TUBB3: variants seen among roughly 807,000 people sequenced by gnomAD.
TUBB3 encodes tubulin beta 3 class III, also known as tubulin beta-3 chain.
A neutral mutation model predicts 37.8 loss-of-function variants in TUBB3; 17 were observed. The observed-to-expected ratio is 0.45, with a 90% confidence interval of 0.31 to 0.67. The LOEUF is 0.67. Among genes scored for constraint, TUBB3 ranks in the 30% least tolerant of loss-of-function variants. The pLI, the probability that TUBB3 is intolerant of heterozygous loss-of-function variation, is 0.07. For synonymous variants in TUBB3, 332 were observed against 278.9 expected (o/e 1.19, Z -1.90); for missense variants, 262 against 657.9 (o/e 0.40, Z 6.58).
chr16:89,934,373 G>C, intron 3 of TUBB3: 1 of 508,060 alleles, frequency 2.0e-6, no homozygotes, highest in Non-Finnish European at 3.8e-6. Context: ...GCCCCCAGCT[G>C]CCAGGGATTC....
intron 3 of TUBB3, chr16:89,934,439 C>T (rs916118676): frequency 1.7e-6 from 1 of 589,486 alleles, no homozygotes; most frequent in Non-Finnish European, 3.2e-6. Flanking sequence ...TATGCTGGAG[C>T]AGGAGGGCTG....
Position 89,935,758 on chromosome 16 carries a change from T to G in TUBB3, c.1307T>G (p.Met436Arg), listed in dbSNP as rs758528369. Reference sequence around the variant, plus strand: ...GCCACGGCCGAGGAAGAGGGCGAGATGTACGAAGACGACGAGGAGGAGTCG... The same window carrying G: ...GCCACGGCCGAGGAAGAGGGCGAGAGGTACGAAGACGACGAGGAGGAGTCG... ...QDATAEEEGE[M>R]YEDDEEESEA... is the part of the protein sequence containing the mutation. The change falls in exon 4 of 4, where the codon ATG (methionine) becomes AGG (arginine). Residue 436 changes from methionine to arginine, a missense_variant. Met to Arg is a moderately conservative substitution (Grantham distance 91). Coordinates refer to ENST00000315491, the MANE Select transcript of TUBB3 (RefSeq NM_006086.4). The G allele has an allele frequency of 1.2e-6, 2 of 1,613,860 alleles. No homozygotes were observed. The highest frequency in any genetic ancestry group is 1.7e-6 in the Non-Finnish European group (2 of 1,179,944).
chr16:89,925,790 G>A (rs1057291527), intron 1 of TUBB3, among the ~76,000 whole-genome samples: 3 of 152,232 alleles, frequency 2.0e-5, no homozygotes, highest in Admixed American at 6.5e-5. Context: ...CCTGTCTGGG[G>A]TCCTCGGGCG....
At chr16:89,928,973 T>TC (rs1472527350) in intron 1 of TUBB3, among the ~76,000 whole-genome samples, 1 of 151,544 alleles carries the variant, frequency 6.6e-6, no homozygotes, top group Non-Finnish European at 1.5e-5. Flanking sequence ...TTTTTTTTTT[T>TC]TTTTTTAAGA....
intron 1 of TUBB3, among the ~76,000 whole-genome samples, chr16:89,930,014 C>CCCTTCTTT (rs2030224127): frequency 7.1e-6 from 1 of 141,462 alleles, no homozygotes; most frequent in Non-Finnish European, 1.5e-5. Flanking sequence ...CAGTTTTCTC[C>CCCTTCTTT]CCTTCCTTCC....
chr16:89,925,458 T>C (rs1437581605), intron 1 of TUBB3, among the ~76,000 whole-genome samples: 1 of 146,192 alleles, frequency 6.8e-6, no homozygotes, highest in Non-Finnish European at 1.5e-5. Context: ...TAGCCTGGCG[T>C]GGTGGGCCGC....
chr16:89,929,601 G>T (rs933422607), intron 1 of TUBB3, among the ~76,000 whole-genome samples: 1 of 152,238 alleles, frequency 6.6e-6, no homozygotes, highest in African/African-American at 2.4e-5. Context: ...CAGGGCACCC[G>T]TGAGAAGAAG....
chr16:89,925,807 G>A (rs568540729), intron 1 of TUBB3, among the ~76,000 whole-genome samples: 1 of 152,356 alleles, frequency 6.6e-6, no homozygotes, highest in Admixed American at 6.5e-5. Flanking sequence ...GGCGGTGCCT[G>A]GCTGGGCAGG....
At chr16:89,923,595 G>A in intron 1 of TUBB3, 137 bp downstream of exon 1, 1 of 867,006 alleles carries the variant, frequency 1.2e-6, no homozygotes, top group Non-Finnish European at 1.5e-6. Context: ...CGCGCCGGGC[G>A]GCCGGGACGC....
upstream of TUBB3, chr16:89,923,341 C>T (rs576909825): frequency 2.2e-5 from 31 of 1,399,528 alleles, no homozygotes; most frequent in African/African-American, 4.5e-5. Flanking sequence ...GGTCCCCGAC[C>T]CTCAGCAGCC....
At chr16:89,925,338 T>G (rs958840672) in intron 1 of TUBB3, among the ~76,000 whole-genome samples, 4 of 151,596 alleles carry the variant, frequency 2.6e-5, no homozygotes, top group African/African-American at 7.3e-5. Flanking sequence ...TCTCATGTAA[T>G]CCCAGCACTT....
intron 1 of TUBB3, chr16:89,932,235 G>A: frequency 2.5e-6 from 1 of 400,824 alleles, no homozygotes; most frequent in South Asian, 2.2e-5. Context: ...AACCCTCAAG[G>A]TGTTTATTAC....
At position 89,934,850 on chromosome 16, in the gene TUBB3, C is replaced by T. The variant is rs554114886; in HGVS notation, c.399C>T (p.Phe133=). 1.2e-6 allele frequency: 2 copies of T among 1,614,140 alleles called. No homozygotes were observed. The highest frequency in any genetic ancestry group is 1.1e-5 in the South Asian group (1 of 91,084). ...AAAACTGCGACTGCCTGCAGGGCTTCCAGCTGACCCACTCGCTGGGGGGCG... is the reference window on the plus strand; with the variant it reads ...AAAACTGCGACTGCCTGCAGGGCTTTCAGCTGACCCACTCGCTGGGGGGCG... The part of the protein sequence containing the change: ...ECENCDCLQG[F]QLTHSLGGGT... The change falls in exon 4 of 4, where the codon TTC becomes TTT. Residue 133 remains phenylalanine, a synonymous_variant. Transcript: ENST00000315491.
chr16:89,927,220 A>T (rs1339750808), intron 1 of TUBB3, among the ~76,000 whole-genome samples: 1 of 151,830 alleles, frequency 6.6e-6, no homozygotes, highest in Admixed American at 6.6e-5. Context: ...ACAAAAAATA[A>T]AAAACAAAAA....
Position 89,933,549 on chromosome 16 carries a change from A to G in TUBB3, c.248A>G (p.His83Arg). 1 of 1,614,082 alleles carries G rather than the reference A, an allele frequency of 6.2e-7. No individual in the cohort carries two copies. The highest frequency in any genetic ancestry group is 1.1e-5 in the South Asian group (1 of 91,076). Residue 83 changes from histidine (H) to arginine (R), a missense_variant, in exon 3 of 4, where the codon CAT becomes CGT. By Grantham distance (29) the His-to-Arg change is conservative. Around this residue, in one of 3 missense-constraint regions of TUBB3, gnomAD observed 165 missense variants for 556.8 expected, o/e 0.30. Coordinates refer to ENST00000315491, the MANE Select transcript of TUBB3 (RefSeq NM_006086.4). ...AGTGTCCGCTCAGGGGCCTTTGGAC[A>G]TCTCTTCAGGCCTGACAATTTCATC... The part of the protein sequence containing the change: ...MDSVRSGAFG[H>R]LFRPDNFIFG...
At chr16:89,923,013 C>G (rs780966763), upstream of TUBB3, among the ~76,000 whole-genome samples, 47 of 152,228 alleles carry the variant, frequency 3.1e-4, no homozygotes, top group Non-Finnish European at 5.6e-4. Context: ...AGGGCGGAAC[C>G]GAGAGGGTAG....
Position 89,935,698 on chromosome 16 carries a change from A to G in TUBB3, c.1247A>G (p.Asn416Ser), listed in dbSNP as rs1407656468. The G allele has an allele frequency of 1.2e-6, 2 of 1,613,868 alleles. No homozygotes were observed. Among genetic ancestry groups the G allele is most frequent in the Non-Finnish European group, 8.5e-7 (1 of 1,179,898 alleles). Residue 416 changes from asparagine to serine, a missense_variant, in exon 4 of 4, where the codon AAC (asparagine) becomes AGC (serine). Physicochemically the swap from Asn to Ser is conservative, Grantham distance 46. Around this residue, in one of 3 missense-constraint regions of TUBB3, gnomAD observed 165 missense variants for 556.8 expected, o/e 0.30. Transcript: ENST00000315491. ...MEFTEAESNM[N>S]DLVSEYQQYQ... ...TTCACCGAGGCCGAGAGCAACATGAACGACCTGGTGTCCGAGTACCAGCAG... is the reference window on the plus strand; with the variant it reads ...TTCACCGAGGCCGAGAGCAACATGAGCGACCTGGTGTCCGAGTACCAGCAG...
intron 3 of TUBB3, 69 bp downstream of exon 3, chr16:89,933,647 G>T: frequency 8.2e-7 from 1 of 1,219,878 alleles, no homozygotes; most frequent in South Asian, 1.2e-5. Flanking sequence ...GGTGGACGGG[G>T]ACGGCTGTGA....
chr16:89,935,793 G>A lies in TUBB3; in HGVS notation c.1342G>A (p.Gly448Ser), dbSNP rs1451723523. The change falls in exon 4 of 4, where the codon GGC (glycine) becomes AGC (serine). Residue 448 changes from glycine (G) to serine (S), a missense_variant. Transcript: ENST00000315491. The stretch of plus-strand genomic sequence containing the variant: ...CGACGAGGAGGAGTCGGAGGCCCAG[G>A]GCCCCAAGTGAAGCTGCTCGCAGCT... ...EDDEEESEAQ[G>S]PK The A allele has an allele frequency of 6.2e-7, 1 of 1,613,062 alleles. No individual in the cohort carries two copies. Among genetic ancestry groups the A allele is most frequent in the Non-Finnish European group, 8.5e-7 (1 of 1,179,518 alleles).
Sources: allele counts gnomAD v4.1 joint callset (sites outside exome capture counted in the v4.1 genomes callset), GRCh38; gene constraint gnomAD v4.1.1; regional missense constraint gnomAD v4.1.1; transcripts MANE v1.5; gene names NCBI Gene and HGNC (gene_info 2026-07-23, HGNC 2026-07-21).